The following PER2 variants were observed in gnomAD, a reference collection of about 807,000 sequenced individuals.
The protein encoded by PER2 is period circadian protein homolog 2.
A neutral mutation model predicts 121.0 loss-of-function variants in PER2; 66 were observed. That is an observed-to-expected ratio of 0.55 (90% CI 0.45 to 0.67). The LOEUF (loss-of-function observed/expected upper bound fraction) is 0.67, where lower values mean the gene tolerates loss of function less well. Ranked by LOEUF, PER2 falls within the 30% of genes least tolerant of loss-of-function variation. The probability of loss-of-function intolerance (pLI) is 0.00; values close to 1 mark genes in which losing one functional copy is unlikely to be tolerated. For synonymous variants in PER2, 684 were observed against 659.9 expected (o/e 1.04, Z -0.56); for missense variants, 1,521 against 1,635.0 (o/e 0.93, Z 1.20).
At chr2:238,254,323 A>G (rs1415769851) in intron 18 of PER2, 1 of 156,118 alleles carries the variant, frequency 6.4e-6, no homozygotes, top group Non-Finnish European at 1.4e-5. Flanking sequence ...GTATGTCCCC[A>G]TGGCCTCCCT....
Position 238,262,549 on chromosome 2 carries a change from T to C in PER2, c.1154-205A>G, listed in dbSNP as rs114092752. On this transcript the variant is annotated intron_variant, in intron 10 of 22. Coordinates refer to ENST00000254657, the MANE Select transcript of PER2 (RefSeq NM_022817.3). ...TTCCAGCAGGAGCTGTTTCATCCCA[T>C]GTTTCACCTCTGCTAGTGTCACTTG... 5.2e-3 allele frequency among the ~76,000 whole-genome samples: 797 copies of C among 152,324 alleles called. 9 individuals are homozygous for C. The highest frequency in any genetic ancestry group is 0.018 in the African/African-American group (740 of 41,560).
rs750045273 is a variant in PER2, at chr2:238,265,507, C to T, written c.1046+5G>A. Reference sequence around the variant, plus strand: ...TGAAAAAGGGGGTGGGTCAAGACCACGTACCTTTCATCCACATCCTGGAAC... The same window carrying T: ...TGAAAAAGGGGGTGGGTCAAGACCATGTACCTTTCATCCACATCCTGGAAC... On this transcript the variant is annotated splice_donor_5th_base_variant and intron_variant, in intron 9 of 22. Coordinates refer to ENST00000254657, the MANE Select transcript of PER2 (RefSeq NM_022817.3). 1.3e-5 allele frequency: 21 copies of T among 1,594,902 alleles called. No individual in the cohort carries two copies. The highest frequency in any genetic ancestry group is 3.3e-5 in the Admixed American group (2 of 59,984).
intron 1 of PER2, among the ~76,000 whole-genome samples, chr2:238,285,257 G>T (rs915210344): frequency 1.7e-5 from 2 of 121,110 alleles, no homozygotes; most frequent in African/African-American, 5.3e-5. Flanking sequence ...TGGTAGCTGG[G>T]TTGCCTCAAC....
chr2:238,252,852 GGCCT>G lies in PER2; in HGVS notation c.3111+56_3111+59del. The G allele has an allele frequency of 1.4e-6, 2 of 1,434,182 alleles. No homozygotes were observed. The highest frequency in any genetic ancestry group is 2.0e-6 in the Non-Finnish European group (2 of 1,021,302). 88.8% of individuals were successfully genotyped at this position (1,434,182 alleles called of 1,614,324 possible). A position where few individuals can be genotyped will look rare whatever the true frequency, so the allele number is the denominator to read the frequency against. On this transcript the variant is annotated intron_variant, in intron 19 of 22. Transcript: ENST00000254657. This position sits in a 1 kb window ranked among gnomAD's most constrained non-coding sequence, Gnocchi z 4.2. Reference sequence around the variant, plus strand: ...ATGTCTGAACTGAGGATGTGCGGCCGGCCTGCCAGGTGTGCTGTTTGCTGCCTGC... The same window carrying G: ...ATGTCTGAACTGAGGATGTGCGGCCGGCCAGGTGTGCTGTTTGCTGCCTGC...
chr2:238,291,581 G>A (rs1696950599), upstream of PER2, among the ~76,000 whole-genome samples: 1 of 152,218 alleles, frequency 6.6e-6, no homozygotes, highest in Non-Finnish European at 1.5e-5. Context: ...TCTCTCTAAA[G>A]AGATGGAGGG....
upstream of PER2, among the ~76,000 whole-genome samples, chr2:238,294,271 G>A (rs1266606783): frequency 6.6e-6 from 1 of 152,220 alleles, no homozygotes. Context: ...TGTTGCCTCA[G>A]TGTGGTTCTG....
At chr2:238,287,472 GGT>G (rs1457307403) in intron 1 of PER2, among the ~76,000 whole-genome samples, 8 of 152,238 alleles carry the variant, frequency 5.3e-5, no homozygotes, top group Admixed American at 4.6e-4. Flanking sequence ...GCCATATACA[GGT>G]GAGAGGCGTC....
chr2:238,280,993 G>GA (rs1696612317), intron 1 of PER2, among the ~76,000 whole-genome samples: 1 of 150,058 alleles, frequency 6.7e-6, no homozygotes, highest in South Asian at 2.1e-4. Context: ...ATTTCCAGAA[G>GA]ACAATGTTTA....
Position 238,257,102 on chromosome 2 carries a change from G to A in PER2, c.1901-16C>T, listed in dbSNP as rs755459140. 1.2e-5 allele frequency: 20 copies of A among 1,608,386 alleles called. No homozygotes were observed. The African/African-American group carries it at 1.5e-4, about 12-fold the overall frequency. ...GGCTCTGCCTCTTCATGAGAGGAAGGGGGAACAAACATTAGTGTGTCATTA... is the reference window on the plus strand; with the variant it reads ...GGCTCTGCCTCTTCATGAGAGGAAGAGGGAACAAACATTAGTGTGTCATTA... On this transcript the variant is annotated splice_polypyrimidine_tract_variant and intron_variant, in intron 16 of 22. Coordinates refer to ENST00000254657, the MANE Select transcript of PER2 (RefSeq NM_022817.3).
At chr2:238,262,065 G>T in intron 11 of PER2, 126 bp downstream of exon 11, 2 of 986,752 alleles carry the variant, frequency 2.0e-6, no homozygotes, top group Non-Finnish European at 3.2e-6. Context: ...CAGATTGGTG[G>T]CAGGAAGCAA....
chr2:238,271,528 T>G lies in PER2; in HGVS notation c.571-15A>C, dbSNP rs115244328. 12 of 1,597,962 alleles carry G rather than the reference T, an allele frequency of 7.5e-6. No homozygotes were observed. In the East Asian group the frequency reaches 2.7e-4, roughly 36 times the overall value. On this transcript the variant is annotated splice_polypyrimidine_tract_variant and intron_variant, in intron 5 of 22. Transcript: ENST00000254657. ...GCAAACATATCCTGAAAAGGAAGAG[T>G]AGGGCTCTGATGACAAGGTCAGATG...
the PER2 span, among the ~76,000 whole-genome samples, chr2:238,297,873 C>T: frequency 6.6e-5 from 10 of 152,172 alleles, no homozygotes; most frequent in Non-Finnish European, 1.2e-4. Flanking sequence ...AGGGCATTGG[C>T]GTTCACAAGC....
intron 1 of PER2, among the ~76,000 whole-genome samples, chr2:238,278,693 G>A (rs1006915932): frequency 6.6e-6 from 1 of 152,202 alleles, no homozygotes; most frequent in Non-Finnish European, 1.5e-5. Flanking sequence ...TACAGGAGGA[G>A]GAGCCAAGGC....
At chr2:238,289,041 G>T (rs1696886043), upstream of PER2, 1 of 152,238 alleles carries the variant, frequency 6.6e-6, no homozygotes, top group African/African-American at 2.4e-5. Context: ...CACTTCCGGC[G>T]TCGGCGCCTT....
At position 238,257,048 on chromosome 2, in the gene PER2, C is replaced by G. The variant is rs1326197216; in HGVS notation, c.1939G>C (p.Val647Leu). 2 of 1,613,252 alleles carry G rather than the reference C, an allele frequency of 1.2e-6. No homozygotes were observed. Among genetic ancestry groups the G allele is most frequent in the South Asian group, 2.2e-5 (2 of 91,078 alleles). Residue 647 changes from valine (V) to leucine (L), a missense_variant, in exon 17 of 23, where the codon GTA becomes CTA. Coordinates refer to ENST00000254657, the MANE Select transcript of PER2 (RefSeq NM_022817.3). The part of the protein sequence containing the change: ...PPSRVNSRTG[V>L]GTHLTSLALP... ...GCCAGCGAGGTCAGGTGCGTACCTA[C>G]TCCCGTGCGGCTGTTCACCCTGGAG...
intron 1 of PER2, among the ~76,000 whole-genome samples, chr2:238,282,436 T>C (rs925996976): frequency 9.2e-5 from 14 of 152,192 alleles, no homozygotes; most frequent in Admixed American, 8.5e-4. Flanking sequence ...CGTTGGTCAA[T>C]GCTGGATCCC....
upstream of PER2, among the ~76,000 whole-genome samples, chr2:238,290,499 A>G (rs962340742): frequency 6.6e-6 from 1 of 152,144 alleles, no homozygotes; most frequent in African/African-American, 2.4e-5. Flanking sequence ...CTCCATATTC[A>G]GCCTGCTACC....
chr2:238,253,241 G>A lies in PER2; in HGVS notation c.2782C>T (p.Gln928Ter). Residue 928 changes from glutamine (Q) to a stop codon, truncating the protein, a stop_gained, in exon 19 of 23, where the codon CAG (glutamine) becomes TAG (stop). Transcript: ENST00000254657. LOFTEE classifies it high-confidence loss of function. This position sits in a 1 kb window ranked among gnomAD's most constrained non-coding sequence, Gnocchi z 5.6. ...GTGGGGTGGCTCGGAAACTGAGGCT[G>A]GCTGGGGAAGAAGGCCTGGGGCAGG... is the stretch of plus-strand genomic sequence containing the variant. ...PNLPQAFFPS[Q>*]PQFPSHPTLT... 6.2e-7 allele frequency: 1 copy of A among 1,603,042 alleles called. No homozygotes were observed. Among genetic ancestry groups the A allele is most frequent in the Non-Finnish European group, 8.5e-7 (1 of 1,172,890 alleles).
At chr2:238,259,306 G>A (rs1474540355) in intron 14 of PER2, among the ~76,000 whole-genome samples, 3 of 152,256 alleles carry the variant, frequency 2.0e-5, no homozygotes, top group Admixed American at 1.3e-4. Flanking sequence ...ACCAGGGGGA[G>A]GGGACTGGGA....
Sources: allele counts gnomAD v4.1 joint callset (sites outside exome capture counted in the v4.1 genomes callset), GRCh38; gene constraint gnomAD v4.1.1; non-coding constraint Gnocchi (gnomAD v3.1); transcripts MANE v1.5; gene names NCBI Gene and HGNC (gene_info 2026-07-23, HGNC 2026-07-21).